Variants in TSFM observed in about 807,000 individuals in gnomAD.
TSFM encodes the protein Ts translation elongation factor, mitochondrial.
In TSFM, 29 loss-of-function variants were observed where a neutral mutation model predicts 33.4. The ratio of observed to expected loss-of-function variants is 0.87; its 90% CI spans 0.65 to 1.18. The LOEUF (loss-of-function observed/expected upper bound fraction) is 1.18, where lower values mean the gene tolerates loss of function less well. Among genes scored for constraint, TSFM ranks in the 50% most tolerant of loss-of-function variants. The pLI is 0.00. For missense variants in TSFM, 394 were observed against 395.6 expected (o/e 1.00, Z 0.04); for synonymous variants, 178 against 163.5 (o/e 1.09, Z -0.68).
At chr12:57,783,572 GC>G in intron 2 of TSFM, 1 of 635,944 alleles carries the variant, frequency 1.6e-6, no homozygotes, top group Non-Finnish European at 3.0e-6. Context: ...AAATTGTGGG[GC>G]CCCCACACTG....
In TSFM at chr12:57,796,715, A is replaced by G; in HGVS notation, c.*132A>G. 1 of 1,244,164 alleles carries G rather than the reference A, an allele frequency of 8.0e-7. No homozygotes were observed. The highest frequency in any genetic ancestry group is 1.0e-6 in the Non-Finnish European group (1 of 992,568). The allele number at this position is 1,244,164 out of a possible 1,614,324, so 77.1% of individuals were successfully genotyped here. ...ATTATTAAATAGTTGTATAATAAAA[A>G]TAATTTTTTCCTTGTTTGCGTAATA... On this transcript the variant is annotated 3_prime_UTR_variant, in exon 6 of 6. Transcript: ENST00000652027.
chr12:57,792,884 G>A (rs978807802), intron 4 of TSFM, 102 bp from the exon 5 acceptor site: 34 of 1,188,410 alleles, frequency 2.9e-5, no homozygotes, highest in South Asian at 9.4e-5. Flanking sequence ...GAGCCACCAC[G>A]CCTGGCCAAT....
downstream of TSFM, chr12:57,802,775 C>T: frequency 1.7e-6 from 1 of 587,654 alleles, no homozygotes; most frequent in Non-Finnish European, 3.0e-6. Context: ...CCCCCCATAT[C>T]CAATGAGTCA....
downstream of TSFM, chr12:57,798,025 A>G: frequency 2.0e-6 from 3 of 1,525,338 alleles, no homozygotes; most frequent in Non-Finnish European, 2.7e-6. Flanking sequence ...TTCTAGTTAG[A>G]AGGAAGACAT....
Position 57,786,227 on chromosome 12 carries a change from G to T in TSFM, c.296G>T (p.Gly99Val). The T allele has an allele frequency of 2.5e-6, 4 of 1,611,768 alleles. No homozygotes were observed. The highest frequency in any genetic ancestry group is 2.5e-6 in the Non-Finnish European group (3 of 1,178,842). ...TGGAGCAAAGCTGCCAAGCTCCAAG[G>T]GAGGAAGACCAAAGAAGGCCTGATT... ...EGWSKAAKLQ[G>V]RKTKEGLIGL... Residue 99 changes from glycine to valine, a missense_variant, in exon 3 of 6, where the codon GGG (glycine) becomes GTG (valine). By Grantham distance (109) the Gly-to-Val change is moderately radical (BLOSUM62 -3). Coordinates refer to ENST00000652027, the MANE Select transcript of TSFM (RefSeq NM_005726.6).
chr12:57,796,234 G>A lies in TSFM; in HGVS notation c.629G>A (p.Gly210Glu), dbSNP rs1169504449. The change falls in exon 6 of 6, where the codon GGG becomes GAG. Residue 210 changes from glycine to glutamate, a missense_variant. Coordinates refer to ENST00000652027, the MANE Select transcript of TSFM (RefSeq NM_005726.6). ...KRAAWVKVPS[G>E]FYVGSYVHGA... ...GCTGCATGGGTGAAGGTGCCATCTG[G>A]GTTCTACGTTGGCTCTTATGTCCAC... The A allele has an allele frequency of 1.2e-6, 2 of 1,612,008 alleles. No individual in the cohort carries two copies. Among genetic ancestry groups the A allele is most frequent in the Non-Finnish European group, 8.5e-7 (1 of 1,178,612 alleles).
chr12:57,791,640 T>C (rs953871081), intron 4 of TSFM, among the ~76,000 whole-genome samples: 2 of 152,266 alleles, frequency 1.3e-5, no homozygotes, highest in Admixed American at 6.5e-5. Context: ...TCATCCTTTT[T>C]ATTTTTTCCA....
At chr12:57,798,774 G>C (rs1955786652), downstream of TSFM, among the ~76,000 whole-genome samples, 1 of 151,700 alleles carries the variant, frequency 6.6e-6, no homozygotes, top group Admixed American at 6.6e-5. Flanking sequence ...CCACCACCAC[G>C]CCTGGCTAAT....
At chr12:57,799,840 G>C, downstream of TSFM, 1 of 1,614,138 alleles carries the variant, frequency 6.2e-7, no homozygotes, top group South Asian at 1.1e-5. Context: ...CCTGATTCTG[G>C]TTTTTCAACA....
downstream of TSFM, chr12:57,798,122 CAGAA>C (rs1287565777): frequency 4.0e-5 from 21 of 531,036 alleles, no homozygotes; most frequent in African/African-American, 2.9e-4. Context: ...ATGAATTTCT[CAGAA>C]AGGCTGTTAA....
At chr12:57,795,172 C>T (rs936596289) in intron 5 of TSFM, among the ~76,000 whole-genome samples, 2 of 151,052 alleles carry the variant, frequency 1.3e-5, no homozygotes, top group Non-Finnish European at 2.9e-5. Context: ...TGATCTCGCT[C>T]GCTGTAACCT....
chr12:57,800,803 T>A (rs925573358), downstream of TSFM: 3 of 170,686 alleles, frequency 1.8e-5, no homozygotes, highest in African/African-American at 7.2e-5. Flanking sequence ...AGACGGGGTT[T>A]CACCATATTA....
chr12:57,802,287 G>A (rs776522628), downstream of TSFM: 2 of 1,614,120 alleles, frequency 1.2e-6, no homozygotes, highest in South Asian at 2.2e-5. Context: ...GTACTGCTGT[G>A]CTGTGGCAAG....
chr12:57,801,098 T>TA (rs753947312), downstream of TSFM: 3 of 1,529,390 alleles, frequency 2.0e-6, no homozygotes, highest in African/African-American at 2.7e-5. Context: ...TCTCTGGCTC[T>TA]GGTTGCCCAT....
chr12:57,788,180 A>G (rs1271102316), intron 4 of TSFM, among the ~76,000 whole-genome samples: 1 of 152,050 alleles, frequency 6.6e-6, no homozygotes, highest in Admixed American at 6.6e-5. Flanking sequence ...AACAATGTTG[A>G]GATTATTTTT....
chr12:57,792,925 A>T, intron 4 of TSFM, 61 bp from the exon 5 acceptor site: 2 of 1,533,550 alleles, frequency 1.3e-6, no homozygotes, highest in African/African-American at 1.4e-5. Flanking sequence ...ATTTTTGCCT[A>T]TTCTTTTGAT....
At chr12:57,783,994 T>G in intron 2 of TSFM, 1 of 702,934 alleles carries the variant, frequency 1.4e-6, no homozygotes, top group Non-Finnish European at 2.6e-6. Flanking sequence ...GAAGATACAT[T>G]CTGAGAAATG....
In TSFM at chr12:57,787,085, CTG is replaced by C. The variant is rs1381664827; in HGVS notation, c.408_409del (p.Leu137GlyfsTer24). ...TGTTTCTAGAAATTTAAAATTTCAA[CTG>C]TTGGTCCAGCAAGTAGCCCTTGGAA... ...DFVSRNLKFQ[L>X]LVQQVALGTM... On this transcript the variant is annotated frameshift_variant, in exon 4 of 6. Transcript: ENST00000652027. LOFTEE classifies it high-confidence loss of function. 2 of 1,612,636 alleles carry C rather than the reference CTG, an allele frequency of 1.2e-6. No homozygotes were observed. The highest frequency in any genetic ancestry group is 1.7e-6 in the Non-Finnish European group (2 of 1,179,200).
At chr12:57,790,232 G>A (rs1267709653) in intron 4 of TSFM, among the ~76,000 whole-genome samples, 1 of 151,916 alleles carries the variant, frequency 6.6e-6, no homozygotes, top group Non-Finnish European at 1.5e-5. Context: ...ACCATACCCA[G>A]CTAATTTTTG....
Sources: allele counts gnomAD v4.1 joint callset (sites outside exome capture counted in the v4.1 genomes callset), GRCh38; gene constraint gnomAD v4.1.1; transcripts MANE v1.5; gene names NCBI Gene and HGNC (gene_info 2026-07-23, HGNC 2026-07-21).